Variants in SMC1B observed in about 807,000 individuals in gnomAD.
SMC1B encodes structural maintenance of chromosomes 1B, also known as structural maintenance of chromosomes protein 1B.
In SMC1B, 60 loss-of-function variants were observed where a neutral mutation model predicts 157.9. That is an observed-to-expected ratio of 0.38 (90% CI 0.31 to 0.47). SMC1B has a LOEUF of 0.47. Among genes scored for constraint, SMC1B ranks in the 20% least tolerant of loss-of-function variants. The probability of loss-of-function intolerance (pLI) is 0.99; values close to 1 mark genes in which losing one functional copy is unlikely to be tolerated. For synonymous variants in SMC1B, 445 were observed against 483.0 expected, an observed-to-expected ratio of 0.92 and a Z score of 1.03; for missense variants, 1,165 against 1,426.2, an observed-to-expected ratio of 0.82 and a Z score of 2.95.
intron 12 of SMC1B, among the ~76,000 whole-genome samples, chr22:45,379,853 C>T (rs2350928): frequency 3.3e-5 from 5 of 151,314 alleles, no homozygotes; most frequent in Non-Finnish European, 5.9e-5. Flanking sequence ...CTGCCCCAGC[C>T]TCCCAAGTAG....
Position 45,383,374 on chromosome 22 carries a change from A to G in SMC1B, c.2058+93T>C, listed in dbSNP as rs1011806393. On this transcript the variant is annotated intron_variant, in intron 12 of 24. Transcript: ENST00000357450. The stretch of plus-strand genomic sequence containing the variant: ...TCTGCATTATTTGAACTCTTAAACT[A>G]TAGAATTGGCACTGTTATTATAAAA... 4.7e-5 allele frequency: 40 copies of G among 852,080 alleles called. No individual in the cohort carries two copies. The African/African-American group carries it at 6.5e-4, about 14-fold the overall frequency. 52.8% of individuals were successfully genotyped at this position (852,080 alleles called of 1,614,324 possible). A position where few individuals can be genotyped will look rare whatever the true frequency, so the allele number is the denominator to read the frequency against.
intron 2 of SMC1B, 35 bp downstream of exon 2, chr22:45,408,675 G>A: frequency 6.8e-7 from 1 of 1,473,872 alleles, no homozygotes; most frequent in Non-Finnish European, 9.2e-7. Flanking sequence ...CTTGACTCTT[G>A]AAAAATAAAA....
chr22:45,347,577 C>T (rs1321626538), intron 23 of SMC1B, among the ~76,000 whole-genome samples: 4 of 152,098 alleles, frequency 2.6e-5, no homozygotes, highest in Non-Finnish European at 5.9e-5. Context: ...ACTCACAAGA[C>T]TAGGTTATAA....
Position 45,354,989 on chromosome 22 carries a change from C to CA in SMC1B, c.3087dup (p.Val1030CysfsTer13). 1 of 1,614,158 alleles carries CA rather than the reference C, an allele frequency of 6.2e-7. No homozygotes were observed. Among genetic ancestry groups the CA allele is most frequent in the South Asian group, 1.1e-5 (1 of 91,080 alleles). On this transcript the variant is annotated frameshift_variant, in exon 20 of 25. Coordinates refer to ENST00000357450, the MANE Select transcript of SMC1B (RefSeq NM_148674.5). LOFTEE classifies it high-confidence loss of function. ...GTGGACTCTTGAAACTTGTCTCTGA[C>CA]AGTCTTTAAGTTCTCCAGTGCTCGT...
rs993943218 is a variant in SMC1B at position 45,389,085 on chromosome 22, C to T, written c.1731+627G>A. Among the ~76,000 whole-genome samples, 4 of 150,474 alleles carry T rather than the reference C, an allele frequency of 2.7e-5. No homozygotes were observed. In the East Asian group the frequency reaches 7.9e-4, roughly 30 times the overall value. On this transcript the variant is annotated intron_variant, in intron 10 of 24. Coordinates refer to ENST00000357450, the MANE Select transcript of SMC1B (RefSeq NM_148674.5). Reference sequence around the variant, plus strand: ...ATTAGAAGTAGGGCTGAGATTCAAACTCAGAGCAGTCCAGCTCTAAGGCAT... The same window carrying T: ...ATTAGAAGTAGGGCTGAGATTCAAATTCAGAGCAGTCCAGCTCTAAGGCAT...
chr22:45,351,908 C>T (rs567808019), intron 22 of SMC1B, among the ~76,000 whole-genome samples: 17 of 152,292 alleles, frequency 1.1e-4, no homozygotes, highest in Non-Finnish European at 2.1e-4. Flanking sequence ...AGATTAAATA[C>T]TTTTATAGAA....
At chr22:45,403,017 A>G (rs768744470) in intron 4 of SMC1B, among the ~76,000 whole-genome samples, 57 of 152,242 alleles carry the variant, frequency 3.7e-4, no homozygotes, top group Non-Finnish European at 7.6e-4. Flanking sequence ...GGACTCTTAC[A>G]GTGCTAAATT....
At chr22:45,365,092 C>A (rs2086762505) in intron 15 of SMC1B, among the ~76,000 whole-genome samples, 1 of 152,132 alleles carries the variant, frequency 6.6e-6, no homozygotes, top group African/African-American at 2.4e-5. Flanking sequence ...CCACCTCAGC[C>A]TCCCAAAGTG....
chr22:45,372,061 T>A, intron 13 of SMC1B, 94 bp downstream of exon 13: 15 of 1,087,650 alleles, frequency 1.4e-5, no homozygotes, highest in Admixed American at 9.1e-5. Flanking sequence ...AAAAAAAAAG[T>A]ATCTGAAAAT....
chr22:45,383,473 C>A lies in SMC1B; in HGVS notation c.2052G>T (p.Glu684Asp). The A allele has an allele frequency of 1.3e-6, 2 of 1,594,732 alleles. No homozygotes were observed. Among genetic ancestry groups the A allele is most frequent in the Middle Eastern group, 1.7e-4 (1 of 5,972 alleles). ...LRDRRSQKIQ[E>D]LKGLMKTLRK... ...TTTTATGACATGGATTTACCTTTAG[C>A]TCTTGGATTTTCTGGCTTCGTCTGT... The change falls in exon 12 of 25, where the codon GAG (glutamate) becomes GAT (aspartate). Residue 684 changes from glutamate (E) to aspartate (D), a missense_variant. Glu to Asp is a conservative substitution (Grantham distance 45). Coordinates refer to ENST00000357450, the MANE Select transcript of SMC1B (RefSeq NM_148674.5).
At position 45,408,823 on chromosome 22, in the gene SMC1B, T is replaced by G; in HGVS notation, c.185A>C (p.Gln62Pro). ...AATATGTGCTCCATGAATGAGTTCT[T>G]GAATATTTTTCACTCTTAAATTAGC... ...KIANLRVKNI[Q>P]ELIHGAHIGK... is the part of the protein sequence containing the mutation. Residue 62 changes from glutamine (Q) to proline (P), a missense_variant, in exon 2 of 25, where the codon CAA (glutamine) becomes CCA (proline). Gln to Pro is a moderately conservative substitution (Grantham distance 76). Coordinates refer to ENST00000357450, the MANE Select transcript of SMC1B (RefSeq NM_148674.5). 6.3e-7 allele frequency: 1 copy of G among 1,575,066 alleles called. No homozygotes were observed. The highest frequency in any genetic ancestry group is 8.6e-7 in the Non-Finnish European group (1 of 1,164,694).
At position 45,372,383 on chromosome 22, in the gene SMC1B, T is replaced by C. The variant is rs576602286; in HGVS notation, c.2059-91A>G. On this transcript the variant is annotated intron_variant, in intron 12 of 24. Transcript: ENST00000357450. ...TTCATATGTAATAATTCACTGATTT[T>C]TACATACCACCACACCTGCACCTTA... 262 of 1,101,066 alleles carry C rather than the reference T, an allele frequency of 2.4e-4. 1 individual carries two copies. The highest frequency in any genetic ancestry group is 2.2e-3 in the South Asian group (131 of 59,778). 68.2% of individuals were successfully genotyped at this position (1,101,066 alleles called of 1,614,324 possible). A position where few individuals can be genotyped will look rare whatever the true frequency, so the allele number is the denominator to read the frequency against.
chr22:45,396,247 A>AGT (rs1376611674), intron 7 of SMC1B, 99 bp downstream of exon 7: 7 of 951,046 alleles, frequency 7.4e-6, no homozygotes, highest in Middle Eastern at 2.3e-4. Flanking sequence ...GAGACAGTAT[A>AGT]GTGTAAGGTT....
chr22:45,345,213 C>T (rs1281839107), intron 24 of SMC1B, among the ~76,000 whole-genome samples: 2 of 152,180 alleles, frequency 1.3e-5, no homozygotes, highest in Non-Finnish European at 2.9e-5. Context: ...ACTTATTTCA[C>T]GAAACAAAAC....
intron 17 of SMC1B, among the ~76,000 whole-genome samples, chr22:45,360,271 C>G (rs1331338228): frequency 1.3e-5 from 2 of 152,134 alleles, no homozygotes; most frequent in African/African-American, 2.4e-5. Context: ...CCAAGATAAA[C>G]AGACTCTTAG....
intron 9 of SMC1B, among the ~76,000 whole-genome samples, chr22:45,390,852 AGAAT>A (rs1298680626): frequency 2.0e-5 from 3 of 152,214 alleles, no homozygotes; most frequent in African/African-American, 7.2e-5. Flanking sequence ...AGTGGTCTCT[AGAAT>A]ATTTGAAGGT....
intron 24 of SMC1B, among the ~76,000 whole-genome samples, 176 bp from the exon 25 acceptor site, chr22:45,344,833 C>A (rs559493887): frequency 3.3e-5 from 5 of 152,112 alleles, no homozygotes; most frequent in Admixed American, 1.3e-4. Context: ...TGAGAATTTC[C>A]ATTACTCATG....
chr22:45,383,394 AT>A, intron 12 of SMC1B, 72 bp downstream of exon 12: 1 of 1,173,742 alleles, frequency 8.5e-7, no homozygotes, highest in Non-Finnish European at 1.2e-6. Flanking sequence ...CACTGTTATT[AT>A]AAAAAACCCA....
At chr22:45,345,430 C>T (rs975684027) in intron 24 of SMC1B, 29 bp downstream of exon 24, 3 of 1,468,378 alleles carry the variant, frequency 2.0e-6, no homozygotes, top group South Asian at 2.3e-5. Context: ...GCATTGGGTA[C>T]ACTCCTCTCG....
Sources: gnomAD v4.1 joint callset for allele counts (sites outside exome capture counted in the v4.1 genomes callset) on GRCh38, gnomAD v4.1.1 for gene constraint, MANE v1.5 for transcripts, NCBI Gene and HGNC (gene_info 2026-07-23, HGNC 2026-07-21) for gene names.